The following SDC1 variants were observed in gnomAD, a reference collection of about 807,000 sequenced individuals.
SDC1 encodes the protein syndecan 1.
A neutral mutation model predicts 29.7 loss-of-function variants in SDC1; 14 were observed. The ratio of observed to expected loss-of-function variants is 0.47; its 90% CI spans 0.31 to 0.74. SDC1 has a LOEUF of 0.74. Ranked by LOEUF, SDC1 falls within the 30% of genes least tolerant of loss-of-function variation. SDC1 has a pLI of 0.05. For missense variants in SDC1, 406 were observed against 400.3 expected (o/e 1.01, Z -0.12); for synonymous variants, 204 against 175.5 (o/e 1.16, Z -1.29).
At chr2:20,209,498 G>T (rs568205462) in intron 1 of SDC1, among the ~76,000 whole-genome samples, 177 of 152,332 alleles carry the variant, frequency 1.2e-3, no homozygotes, top group Admixed American at 1.8e-3. Flanking sequence ...TGCCCCAGTG[G>T]TGACGCTACC....
In SDC1 at chr2:20,224,076, C is replaced by G; in HGVS notation, c.66+726G>C. The G allele has an allele frequency of 3.1e-6, 1 of 321,860 alleles. No individual in the cohort carries two copies. Among genetic ancestry groups the G allele is most frequent in the South Asian group, 2.1e-5 (1 of 47,968 alleles). 19.9% of individuals were successfully genotyped at this position (321,860 alleles called of 1,614,324 possible). ...GCCTCGGCCGTGCCCGGCACGGGAA[C>G]GCGCCCTCCGGGGCCAGCTCAACTT... On this transcript the variant is annotated intron_variant, in intron 1 of 4. Coordinates refer to ENST00000254351, the MANE Select transcript of SDC1 (RefSeq NM_002997.5). The surrounding 1 kb of genome is among the most constrained non-coding windows in gnomAD (Gnocchi z 4.9).
rs1036074787 is a variant in SDC1, at chr2:20,224,791, G to T, written c.66+11C>A. ...CCGCCGCCTCCCCGCCTGGCCGCCG[G>T]CCGCACTCACCGGCAGGGCCGGCTG... On this transcript the variant is annotated intron_variant, in intron 1 of 4. Coordinates refer to ENST00000254351, the MANE Select transcript of SDC1 (RefSeq NM_002997.5). The surrounding 1 kb of genome is among the most constrained non-coding windows in gnomAD (Gnocchi z 4.9). 8.8e-5 allele frequency: 115 copies of T among 1,306,838 alleles called. No individual in the cohort carries two copies. Among genetic ancestry groups the T allele is most frequent in the Non-Finnish European group, 1.1e-4 (111 of 1,027,346 alleles). 81.0% of individuals were successfully genotyped at this position (1,306,838 alleles called of 1,614,324 possible).
chr2:20,217,235 T>C (rs1558437286), intron 1 of SDC1, among the ~76,000 whole-genome samples: 1 of 152,222 alleles, frequency 6.6e-6, no homozygotes, highest in Non-Finnish European at 1.5e-5. Flanking sequence ...CCGTTCATTG[T>C]CACTGCAGAG....
At chr2:20,205,747 T>C (rs1558432287) in intron 1 of SDC1, among the ~76,000 whole-genome samples, 1 of 152,114 alleles carries the variant, frequency 6.6e-6, no homozygotes, top group African/African-American at 2.4e-5. Flanking sequence ...GGAGCTGTTA[T>C]TGGGAACAGA....
At position 20,202,237 on chromosome 2, in the gene SDC1, C is replaced by G. The variant is rs756330204; in HGVS notation, c.*529G>C. ...GGTCTACTGGGCTATGAACAAAGAA[C>G]TAGAGGAAACATGTGCAAAAACAAG... On this transcript the variant is annotated 3_prime_UTR_variant, in exon 5 of 5. Transcript: ENST00000254351. 2 of 777,728 alleles carry G rather than the reference C, an allele frequency of 2.6e-6. No homozygotes were observed. The highest frequency in any genetic ancestry group is 4.8e-6 in the Non-Finnish European group (2 of 417,350). 48.2% of individuals were successfully genotyped at this position (777,728 alleles called of 1,614,324 possible).
At chr2:20,213,273 TC>T (rs1376162080) in intron 1 of SDC1, among the ~76,000 whole-genome samples, 3 of 151,406 alleles carry the variant, frequency 2.0e-5, no homozygotes, top group African/African-American at 7.3e-5. Context: ...TCCTCTGCTT[TC>T]CCCCCCTGGC....
In SDC1 at chr2:20,224,351, C is replaced by G. The variant is rs1677921774; in HGVS notation, c.66+451G>C. On this transcript the variant is annotated intron_variant, in intron 1 of 4. Coordinates refer to ENST00000254351, the MANE Select transcript of SDC1 (RefSeq NM_002997.5). This position sits in a 1 kb window ranked among gnomAD's most constrained non-coding sequence, Gnocchi z 4.9. ...TGGCGCAAGGGGCGGGGCGCCCGGGCTCGGCGGCGCTGGGGCGCAAGCCCG... is the reference window on the plus strand; with the variant it reads ...TGGCGCAAGGGGCGGGGCGCCCGGGGTCGGCGGCGCTGGGGCGCAAGCCCG... 1 of 152,378 alleles carries G rather than the reference C, an allele frequency of 6.6e-6. No individual in the cohort carries two copies. 9.4% of individuals were successfully genotyped at this position (152,378 alleles called of 1,614,324 possible).
chr2:20,204,088 C>A lies in SDC1; in HGVS notation c.352G>T (p.Glu118Ter). ...CTGGGTCGGGGGGTGGCCTCCTGCTCCCGGGCGGTGAGGCCAGGCTCCACT... is the reference window on the plus strand; with the variant it reads ...CTGGGTCGGGGGGTGGCCTCCTGCTACCGGGCGGTGAGGCCAGGCTCCACT... ...PEVEPGLTAREQEATPRPRET... is the reference protein window; with the variant it reads ...PEVEPGLTAR The change falls in exon 3 of 5, where the codon GAG (glutamate) becomes TAG (stop). Residue 118 changes from glutamate to a stop codon, truncating the protein, a stop_gained. Coordinates refer to ENST00000254351, the MANE Select transcript of SDC1 (RefSeq NM_002997.5). LOFTEE classifies it high-confidence loss of function. 6.2e-7 allele frequency: 1 copy of A among 1,609,882 alleles called. No individual in the cohort carries two copies. The highest frequency in any genetic ancestry group is 8.5e-7 in the Non-Finnish European group (1 of 1,179,874).
rs568778824 is a variant in SDC1, at chr2:20,225,106, C to G, written c.-239G>C. ...CTCCGCCTTATAATAAACCCACAGG[C>G]CCTTCCTTAGCCGTTGCAAAAACTG... On this transcript the variant is annotated 5_prime_UTR_variant, in exon 1 of 5. Coordinates refer to ENST00000254351, the MANE Select transcript of SDC1 (RefSeq NM_002997.5). The G allele has an allele frequency of 2.7e-6, 1 of 367,990 alleles. No individual in the cohort carries two copies. The highest frequency in any genetic ancestry group is 2.2e-5 in the African/African-American group (1 of 46,484). 22.8% of individuals were successfully genotyped at this position (367,990 alleles called of 1,614,324 possible).
intron 3 of SDC1, among the ~76,000 whole-genome samples, chr2:20,203,465 G>A (rs1003278539): frequency 1.3e-5 from 2 of 152,256 alleles, no homozygotes; most frequent in Non-Finnish European, 2.9e-5. Context: ...ATTTTTGTAT[G>A]GAAATAAGCA....
At chr2:20,209,891 G>A (rs911012846) in intron 1 of SDC1, among the ~76,000 whole-genome samples, 8 of 152,214 alleles carry the variant, frequency 5.3e-5, no homozygotes, top group African/African-American at 7.2e-5. Context: ...GGGGGGCAGC[G>A]GGCCCAGTCG....
intron 1 of SDC1, among the ~76,000 whole-genome samples, chr2:20,208,818 C>A (rs924939617): frequency 1.2e-4 from 18 of 152,316 alleles, no homozygotes; most frequent in African/African-American, 4.3e-4. Context: ...GGCTAACCAG[C>A]CTTTAACCTC....
In SDC1 at chr2:20,202,692, C is replaced by A; in HGVS notation, c.*74G>T. On this transcript the variant is annotated 3_prime_UTR_variant, in exon 5 of 5. Transcript: ENST00000254351. ...GGCCTGGTGGCAGGGGAGGCCAGGGCCTGCAGTTCTTCAAGGAAGAGGCAA... is the reference window on the plus strand; with the variant it reads ...GGCCTGGTGGCAGGGGAGGCCAGGGACTGCAGTTCTTCAAGGAAGAGGCAA... The A allele has an allele frequency of 1.4e-6, 2 of 1,429,318 alleles. No homozygotes were observed. The highest frequency in any genetic ancestry group is 1.9e-6 in the Non-Finnish European group (2 of 1,050,336). The allele number at this position is 1,429,318 out of a possible 1,614,324, so 88.5% of individuals were successfully genotyped here.
chr2:20,216,560 C>T (rs1572470975), intron 1 of SDC1, among the ~76,000 whole-genome samples: 2 of 152,196 alleles, frequency 1.3e-5, no homozygotes, highest in Admixed American at 6.5e-5. Context: ...TCCAAGGCCT[C>T]GGACAGTTTC....
intron 1 of SDC1, among the ~76,000 whole-genome samples, chr2:20,216,267 G>C (rs1300826919): frequency 1.3e-5 from 2 of 152,202 alleles, no homozygotes; most frequent in Non-Finnish European, 2.9e-5. Flanking sequence ...AAGATCTCAT[G>C]CAGCCCAAGC....
rs924146461 is a variant in SDC1, at chr2:20,224,234, C to T, written c.66+568G>A. Reference sequence around the variant, plus strand: ...AGCCCGAGGGCCCTGCAGACGCTCGCCCGCGCCCCCCACGCAGCCCTGGCC... The same window carrying T: ...AGCCCGAGGGCCCTGCAGACGCTCGTCCGCGCCCCCCACGCAGCCCTGGCC... On this transcript the variant is annotated intron_variant, in intron 1 of 4. Transcript: ENST00000254351. This position sits in a 1 kb window ranked among gnomAD's most constrained non-coding sequence, Gnocchi z 4.9. 5.6e-5 allele frequency: 22 copies of T among 393,990 alleles called. No individual in the cohort carries two copies. Among genetic ancestry groups the T allele is most frequent in the African/African-American group, 3.3e-4 (15 of 45,490 alleles). 24.4% of individuals were successfully genotyped at this position (393,990 alleles called of 1,614,324 possible). A position where few individuals can be genotyped will look rare whatever the true frequency, so the allele number is the denominator to read the frequency against.
intron 1 of SDC1, among the ~76,000 whole-genome samples, chr2:20,212,089 C>T (rs1677483789): frequency 1.5e-5 from 2 of 130,738 alleles, no homozygotes; most frequent in Non-Finnish European, 3.4e-5. Context: ...TTACGGCTGA[C>T]AGGCTGGCCC....
Position 20,209,240 on chromosome 2 carries a change from C to A in SDC1, c.67-3816G>T, listed in dbSNP as rs1677384132. Among the ~76,000 whole-genome samples the A allele has an allele frequency of 2.6e-5, 4 of 152,204 alleles. No homozygotes were observed. In the South Asian group the frequency reaches 8.3e-4, roughly 31 times the overall value. Reference sequence around the variant, plus strand: ...CCATTCCTCTTTCTTCCCTACAACTCCCCTGCAGATGAGGCAGCGGGGCTG... The same window carrying A: ...CCATTCCTCTTTCTTCCCTACAACTACCCTGCAGATGAGGCAGCGGGGCTG... On this transcript the variant is annotated intron_variant, in intron 1 of 4. Transcript: ENST00000254351.
chr2:20,217,401 G>A (rs570123625), intron 1 of SDC1, among the ~76,000 whole-genome samples: 1 of 152,260 alleles, frequency 6.6e-6, no homozygotes, highest in Admixed American at 6.5e-5. Context: ...GTCTCATGAA[G>A]CCCTCAGAAC....
Sources: gnomAD v4.1 joint callset for allele counts (sites outside exome capture counted in the v4.1 genomes callset) on GRCh38, gnomAD v4.1.1 for gene constraint, Gnocchi (gnomAD v3.1) non-coding constraint, MANE v1.5 for transcripts, NCBI Gene and HGNC (gene_info 2026-07-23, HGNC 2026-07-21) for gene names.